The following HMBOX1 variants were observed in gnomAD, a reference collection of about 807,000 sequenced individuals.
HMBOX1 encodes the protein homeobox-containing protein 1.
HMBOX1 carries 14 observed loss-of-function variants against 54.5 expected under a neutral mutation model. The observed-to-expected ratio is 0.26, with a 90% CI of 0.17 to 0.40. The LOEUF (loss-of-function observed/expected upper bound fraction) is 0.40, where lower values mean the gene tolerates loss of function less well. HMBOX1 is among the 10% of genes least tolerant of loss of function. HMBOX1 has a pLI of 1.00. For synonymous variants in HMBOX1, 160 were observed against 181.0 expected (o/e 0.88, Z 0.93); for missense variants, 332 against 514.4 (o/e 0.65, Z 3.43).
intron 1 of HMBOX1, among the ~76,000 whole-genome samples, chr8:28,960,267 C>CT (rs1230919439): frequency 7.0e-6 from 1 of 143,100 alleles, no homozygotes; most frequent in Non-Finnish European, 1.5e-5. Context: ...GAACAATCCT[C>CT]TTTTTTGTCA....
chr8:29,032,285 G>T (rs1803107867), intron 6 of HMBOX1, among the ~76,000 whole-genome samples: 1 of 151,490 alleles, frequency 6.6e-6, no homozygotes, highest in African/African-American at 2.4e-5. Context: ...GTGGGAGGAG[G>T]GGGGTGGATT....
Position 28,937,390 on chromosome 8 carries a change from T to C in HMBOX1, c.-57-26421T>C, listed in dbSNP as rs1820593635. On this transcript the variant is annotated intron_variant, in intron 1 of 9. Transcript: ENST00000287701. ...ACTTGCTATAGGCCAGATAGATTCA[T>C]AACCCAAAGACCTCCAATTCCTTGG... Among the ~76,000 whole-genome samples, 2 of 152,240 alleles carry C rather than the reference T, an allele frequency of 1.3e-5. 1 individual carries two copies. Among genetic ancestry groups the C allele is most frequent in the Admixed American group, 1.3e-4 (2 of 15,286 alleles).
intron 5 of HMBOX1, 84 bp from the exon 6 acceptor site, chr8:29,018,676 C>A: frequency 1.4e-6 from 2 of 1,380,112 alleles, no homozygotes; most frequent in Non-Finnish European, 2.0e-6. Flanking sequence ...AAAGACCATA[C>A]TTCCCTAGTC....
chr8:29,004,233 T>C (rs1487297267), intron 4 of HMBOX1, among the ~76,000 whole-genome samples: 4 of 152,350 alleles, frequency 2.6e-5, no homozygotes, highest in East Asian at 1.9e-4. Context: ...CTGGAGGTCA[T>C]TGGCATTTAG....
intron 6 of HMBOX1, among the ~76,000 whole-genome samples, chr8:29,041,472 A>C (rs985489697): frequency 2.0e-5 from 3 of 152,168 alleles, no homozygotes; most frequent in Non-Finnish European, 4.4e-5. Context: ...AGCGCGTGTG[A>C]GGATGATTCA....
At chr8:29,047,307 T>G in intron 7 of HMBOX1, 51 bp from the exon 8 acceptor site, 2 of 1,083,442 alleles carry the variant, frequency 1.8e-6, no homozygotes, top group Non-Finnish European at 2.8e-6. Flanking sequence ...AACTAGTTTA[T>G]TCTTGGATCC....
At chr8:28,901,292 T>C (rs1813187876) in intron 1 of HMBOX1, among the ~76,000 whole-genome samples, 1 of 152,156 alleles carries the variant, frequency 6.6e-6, no homozygotes, top group South Asian at 2.1e-4. Flanking sequence ...AGCTCTTAGC[T>C]GCATTTGATG....
intron 4 of HMBOX1, among the ~76,000 whole-genome samples, chr8:28,998,687 C>G (rs1256206438): frequency 2.0e-5 from 3 of 151,828 alleles, no homozygotes; most frequent in Non-Finnish European, 2.9e-5. Context: ...CATTTGTTTT[C>G]TATATGTGTT....
intron 5 of HMBOX1, among the ~76,000 whole-genome samples, chr8:29,013,825 A>G (rs1402455957): frequency 6.6e-6 from 1 of 152,272 alleles, no homozygotes; most frequent in African/African-American, 2.4e-5. Flanking sequence ...TGTCTAATTT[A>G]AACATTACTA....
chr8:28,919,110 C>G (rs374970353), intron 1 of HMBOX1, among the ~76,000 whole-genome samples: 7 of 152,218 alleles, frequency 4.6e-5, no homozygotes, highest in African/African-American at 1.7e-4. Context: ...AAGGATTAAC[C>G]CAGTAACAGA....
chr8:28,999,073 C>T (rs936494338), intron 4 of HMBOX1, among the ~76,000 whole-genome samples: 1 of 152,108 alleles, frequency 6.6e-6, no homozygotes, highest in Admixed American at 6.5e-5. Context: ...GTTACCTTTA[C>T]TGTCACTCTT....
chr8:28,970,660 C>T lies in HMBOX1; in HGVS notation c.500+141C>T, dbSNP rs991973312. On this transcript the variant is annotated intron_variant, in intron 3 of 9. Transcript: ENST00000287701. This position sits in a 1 kb window ranked among gnomAD's most constrained non-coding sequence, Gnocchi z 4.3. ...TAAGAACTGTAACTTCCTCCTCCCA[C>T]CTTTGGAGATGAAAGAAAGAAAGTT... 5.5e-5 allele frequency: 31 copies of T among 560,584 alleles called. No individual in the cohort carries two copies. The highest frequency in any genetic ancestry group is 9.4e-6 in the Non-Finnish European group (3 of 320,652). 34.7% of individuals were successfully genotyped at this position (560,584 alleles called of 1,614,324 possible).
At chr8:28,978,999 G>A (rs1309754603) in intron 3 of HMBOX1, among the ~76,000 whole-genome samples, 3 of 152,122 alleles carry the variant, frequency 2.0e-5, no homozygotes, top group Admixed American at 1.3e-4. Flanking sequence ...ATTTTCTGTC[G>A]TCAAATTGAT....
intron 1 of HMBOX1, among the ~76,000 whole-genome samples, chr8:28,912,688 T>G (rs1815692000): frequency 2.0e-5 from 3 of 152,172 alleles, no homozygotes; most frequent in Admixed American, 1.3e-4. Flanking sequence ...GGAGGCTGCT[T>G]CTTGCCCTTC....
chr8:28,986,873 G>GA (rs35408189), intron 4 of HMBOX1, among the ~76,000 whole-genome samples: 3 of 151,540 alleles, frequency 2.0e-5, no homozygotes, highest in Non-Finnish European at 2.9e-5. Context: ...TTCCCCTCAG[G>GA]AAAAAAACCA....
chr8:28,997,006 T>C (rs1010331335), intron 4 of HMBOX1, among the ~76,000 whole-genome samples: 4 of 152,186 alleles, frequency 2.6e-5, no homozygotes, highest in Non-Finnish European at 5.9e-5. Flanking sequence ...TGTGTGTGTG[T>C]GTTTGTGTAT....
intron 1 of HMBOX1, among the ~76,000 whole-genome samples, chr8:28,926,300 T>TACACAC (rs1415903810): frequency 3.6e-5 from 5 of 139,370 alleles, no homozygotes; most frequent in African/African-American, 1.5e-4. Context: ...TATATATATA[T>TACACAC]ATATACACAC....
intron 1 of HMBOX1, among the ~76,000 whole-genome samples, chr8:28,924,433 G>A (rs999173900): frequency 2.0e-5 from 3 of 148,474 alleles, no homozygotes; most frequent in African/African-American, 7.4e-5. Context: ...TAATTTTGAT[G>A]AAATACAATT....
At chr8:29,018,684 G>C in intron 5 of HMBOX1, 76 bp from the exon 6 acceptor site, 1 of 1,452,008 alleles carries the variant, frequency 6.9e-7, no homozygotes, top group South Asian at 1.3e-5. Flanking sequence ...TACTTCCCTA[G>C]TCCCATAGGA....
Sources: gnomAD v4.1 joint callset for allele counts (sites outside exome capture counted in the v4.1 genomes callset) on GRCh38, gnomAD v4.1.1 for gene constraint, Gnocchi (gnomAD v3.1) non-coding constraint, MANE v1.5 for transcripts, NCBI Gene and HGNC (gene_info 2026-07-23, HGNC 2026-07-21) for gene names.